The following ANAPC7 variants were observed in gnomAD, a reference collection of about 807,000 sequenced individuals.
ANAPC7 encodes the protein anaphase promoting complex subunit 7, also known as anaphase-promoting complex subunit 7.
A neutral mutation model predicts 63.3 loss-of-function variants in ANAPC7; 25 were observed. The ratio of observed to expected loss-of-function variants is 0.39; its 90% CI spans 0.29 to 0.55. The LOEUF is 0.55. ANAPC7 is among the 20% of genes least tolerant of loss of function. The probability of loss-of-function intolerance (pLI) is 0.57; values close to 1 mark genes in which losing one functional copy is unlikely to be tolerated. For missense variants in ANAPC7, 516 were observed against 691.7 expected, an observed-to-expected ratio of 0.75 and a Z score of 2.85; for synonymous variants, 241 against 251.7, an observed-to-expected ratio of 0.96 and a Z score of 0.40.
chr12:110,376,960 TA>T (rs969885559), intron 9 of ANAPC7, among the ~76,000 whole-genome samples: 83 of 148,640 alleles, frequency 5.6e-4, no homozygotes, highest in Non-Finnish European at 1.0e-3. Context: ...ATCTCTACTA[TA>T]AAAAAAAATA....
chr12:110,378,526 A>G (rs779000200), intron 8 of ANAPC7: 3 of 152,236 alleles, frequency 2.0e-5, no homozygotes, highest in Non-Finnish European at 4.4e-5. Context: ...GGGCTTCCCT[A>G]AACGAGATGA....
In ANAPC7 at chr12:110,373,984, A is replaced by T; in HGVS notation, c.*160T>A. Reference sequence around the variant, plus strand: ...AGGTTGGTCAGGCTCTGTTTTAGAAATGAAGTCACGACTAGGAATTGGGAG... The same window carrying T: ...AGGTTGGTCAGGCTCTGTTTTAGAATTGAAGTCACGACTAGGAATTGGGAG... On this transcript the variant is annotated 3_prime_UTR_variant, in exon 11 of 11. Transcript: ENST00000455511. The T allele has an allele frequency of 2.6e-6, 2 of 771,246 alleles. No individual in the cohort carries two copies. Among genetic ancestry groups the T allele is most frequent in the Non-Finnish European group, 3.9e-6 (2 of 517,504 alleles). 47.8% of individuals were successfully genotyped at this position (771,246 alleles called of 1,614,324 possible). A position where few individuals can be genotyped will look rare whatever the true frequency, so the allele number is the denominator to read the frequency against.
chr12:110,389,713 C>T (rs1222800554), intron 3 of ANAPC7, among the ~76,000 whole-genome samples: 2 of 152,038 alleles, frequency 1.3e-5, no homozygotes, highest in African/African-American at 2.4e-5. Context: ...GGGTGGATTA[C>T]GAGGTCAGGA....
intron 1 of ANAPC7, among the ~76,000 whole-genome samples, chr12:110,399,916 A>C (rs1442226425): frequency 6.6e-6 from 1 of 152,092 alleles, no homozygotes; most frequent in Non-Finnish European, 1.5e-5. Flanking sequence ...CAACATGTTG[A>C]AACCTCGTCT....
At chr12:110,382,266 G>A (rs910110967) in intron 7 of ANAPC7, among the ~76,000 whole-genome samples, 4 of 150,468 alleles carry the variant, frequency 2.7e-5, no homozygotes, top group Non-Finnish European at 4.4e-5. Context: ...GCATCTTCTG[G>A]CCCCATCACT....
intron 8 of ANAPC7, chr12:110,379,030 G>T (rs73206868): frequency 0.15 from 22,392 of 151,274 alleles, 2,331 homozygotes; most frequent in African/African-American, 0.3. Context: ...GGCTAAATTT[G>T]TTTCTATTTT....
At chr12:110,384,324 G>C (rs931375935) in intron 6 of ANAPC7, among the ~76,000 whole-genome samples, 1 of 152,170 alleles carries the variant, frequency 6.6e-6, no homozygotes, top group Admixed American at 6.5e-5. Context: ...TTGAGCCCAG[G>C]AGGTCAAGGC....
At chr12:110,403,194 C>G (rs1298715842) in intron 1 of ANAPC7, among the ~76,000 whole-genome samples, 2 of 152,166 alleles carry the variant, frequency 1.3e-5, no homozygotes, top group Non-Finnish European at 2.9e-5. Flanking sequence ...TGGAAGGAGC[C>G]GAGAGGGAAG....
At chr12:110,397,717 G>A (rs2062164404) in intron 1 of ANAPC7, among the ~76,000 whole-genome samples, 1 of 152,060 alleles carries the variant, frequency 6.6e-6, no homozygotes, top group South Asian at 2.1e-4. Context: ...AACCAACATG[G>A]TGAAACCGTC....
At chr12:110,376,240 A>G (rs772836382) in intron 9 of ANAPC7, 24 bp from the exon 10 acceptor site, 1 of 1,611,994 alleles carries the variant, frequency 6.2e-7, no homozygotes, top group Non-Finnish European at 8.5e-7. Context: ...AAAGACCCTC[A>G]CTTAAGTCAT....
At position 110,373,500 on chromosome 12, in the gene ANAPC7, T is replaced by C. The variant is rs1281965508; in HGVS notation, c.*644A>G. ...CCATGACTGTACAAACCAGTTTTATTAGGGAACTGCCCCAGGTGCACCTCT... is the reference window on the plus strand; with the variant it reads ...CCATGACTGTACAAACCAGTTTTATCAGGGAACTGCCCCAGGTGCACCTCT... On this transcript the variant is annotated 3_prime_UTR_variant, in exon 11 of 11. Transcript: ENST00000455511. 2.6e-5 allele frequency: 4 copies of C among 152,264 alleles called. No individual in the cohort carries two copies. The highest frequency in any genetic ancestry group is 2.6e-4 in the Admixed American group (4 of 15,282). 9.4% of individuals were successfully genotyped at this position (152,264 alleles called of 1,614,324 possible). A position where few individuals can be genotyped will look rare whatever the true frequency, so the allele number is the denominator to read the frequency against.
At chr12:110,396,196 A>T in intron 2 of ANAPC7, 70 bp downstream of exon 2, 1 of 1,409,792 alleles carries the variant, frequency 7.1e-7, no homozygotes, top group Non-Finnish European at 9.8e-7. Context: ...GGGCCTGGGG[A>T]CCCTGTTCTA....
intron 2 of ANAPC7, among the ~76,000 whole-genome samples, chr12:110,395,667 T>A (rs577098481): frequency 4.0e-4 from 61 of 152,090 alleles, no homozygotes; most frequent in African/African-American, 1.4e-3. Context: ...GCCTCCCAAG[T>A]AGCTGGGACT....
intron 3 of ANAPC7, among the ~76,000 whole-genome samples, chr12:110,391,650 G>C (rs1883093871): frequency 6.6e-6 from 1 of 152,124 alleles, no homozygotes; most frequent in South Asian, 2.1e-4. Context: ...TGATGGCAAT[G>C]AAAATCAAGC....
intron 3 of ANAPC7, among the ~76,000 whole-genome samples, chr12:110,394,440 A>T (rs1566275391): frequency 2.6e-5 from 4 of 151,778 alleles, no homozygotes. Context: ...CAGCCTGGCC[A>T]ACATGGCAAA....
chr12:110,380,076 T>C (rs1881674583), intron 8 of ANAPC7, among the ~76,000 whole-genome samples: 1 of 152,220 alleles, frequency 6.6e-6, no homozygotes, highest in Non-Finnish European at 1.5e-5. Flanking sequence ...ACAGGCCATG[T>C]ACAGTGGTTC....
At chr12:110,388,781 C>T (rs975738112) in intron 3 of ANAPC7, among the ~76,000 whole-genome samples, 158 bp from the exon 4 acceptor site, 6 of 152,066 alleles carry the variant, frequency 3.9e-5, no homozygotes, top group African/African-American at 1.4e-4. Context: ...CCCCATTCTT[C>T]AAAAGAAAGA....
rs909788896 is a variant in ANAPC7 at position 110,373,433 on chromosome 12, GA to G, written c.*710del. On this transcript the variant is annotated 3_prime_UTR_variant, in exon 11 of 11. Coordinates refer to ENST00000455511, the MANE Select transcript of ANAPC7 (RefSeq NM_016238.3). ...ATTGCGAATAAGACAAAAATACTAA[GA>G]GTCTATTTTGAAAAGGGCTTCCATT... 7 of 152,072 alleles carry G rather than the reference GA, an allele frequency of 4.6e-5. No homozygotes were observed. The highest frequency in any genetic ancestry group is 1.7e-4 in the African/African-American group (7 of 41,394). 9.4% of individuals were successfully genotyped at this position (152,072 alleles called of 1,614,324 possible). A position where few individuals can be genotyped will look rare whatever the true frequency, so the allele number is the denominator to read the frequency against.
chr12:110,373,835 T>G lies in ANAPC7; in HGVS notation c.*309A>C. ...CAGAACACTGTCTATTCCTTGAGCT[T>G]TTGGATTTAGAAATTAGTTATATAA... On this transcript the variant is annotated 3_prime_UTR_variant, in exon 11 of 11. Coordinates refer to ENST00000455511, the MANE Select transcript of ANAPC7 (RefSeq NM_016238.3). 1 of 257,870 alleles carries G rather than the reference T, an allele frequency of 3.9e-6. No individual in the cohort carries two copies. The highest frequency in any genetic ancestry group is 2.2e-5 in the African/African-American group (1 of 45,208). 16.0% of individuals were successfully genotyped at this position (257,870 alleles called of 1,614,324 possible). A position where few individuals can be genotyped will look rare whatever the true frequency, so the allele number is the denominator to read the frequency against.
Sources: allele counts gnomAD v4.1 joint callset (sites outside exome capture counted in the v4.1 genomes callset), GRCh38; gene constraint gnomAD v4.1.1; transcripts MANE v1.5; gene names NCBI Gene and HGNC (gene_info 2026-07-23, HGNC 2026-07-21).